The following DHTKD1 variants were observed in gnomAD, a reference collection of about 807,000 sequenced individuals.
The protein encoded by DHTKD1 is dehydrogenase E1 and transketolase domain containing 1.
A neutral mutation model predicts 101.8 loss-of-function variants in DHTKD1; 78 were observed. The observed-to-expected ratio is 0.77, with a 90% CI of 0.64 to 0.93. DHTKD1 has a LOEUF of 0.93. Among genes scored for constraint, DHTKD1 ranks in the 40% least tolerant of loss-of-function variants. The pLI, the probability that DHTKD1 is intolerant of heterozygous loss-of-function variation, is 0.00. For missense variants in DHTKD1, 1,223 were observed against 1,161.7 expected (o/e 1.05, Z -0.77); for synonymous variants, 462 against 450.3 (o/e 1.03, Z -0.33).
At chr10:12,113,911 C>G (rs1474949243) in intron 13 of DHTKD1, among the ~76,000 whole-genome samples, 1 of 152,068 alleles carries the variant, frequency 6.6e-6, no homozygotes, top group African/African-American at 2.4e-5. Context: ...CACAGCAAGA[C>G]ATTGTCTGAA....
intron 1 of DHTKD1, among the ~76,000 whole-genome samples, chr10:12,072,233 G>A (rs1038983351): frequency 6.6e-6 from 1 of 152,152 alleles, no homozygotes; most frequent in Non-Finnish European, 1.5e-5. Flanking sequence ...TTGGGAGGCC[G>A]AGCTGGGAAG....
chr10:12,089,339 A>G, intron 5 of DHTKD1, 84 bp downstream of exon 5: 1 of 1,303,386 alleles, frequency 7.7e-7, no homozygotes, highest in Non-Finnish European at 1.1e-6. Flanking sequence ...AGCACATGGC[A>G]GACATTCATG....
intron 15 of DHTKD1, among the ~76,000 whole-genome samples, chr10:12,119,649 G>T (rs535824160): frequency 1.5e-4 from 23 of 150,816 alleles, no homozygotes; most frequent in South Asian, 6.3e-4. Context: ...AGAAAATTTG[G>T]TACATATATG....
intron 12 of DHTKD1, among the ~76,000 whole-genome samples, chr10:12,108,365 T>C (rs1833281495): frequency 6.6e-6 from 1 of 152,098 alleles, no homozygotes; most frequent in Admixed American, 6.6e-5. Context: ...CTGCAACCTC[T>C]GCCTCTTGGG....
intron 1 of DHTKD1, among the ~76,000 whole-genome samples, chr10:12,074,407 G>C (rs1832693320): frequency 6.6e-6 from 1 of 152,028 alleles, no homozygotes; most frequent in Non-Finnish European, 1.5e-5. Context: ...CCAGGCTGGA[G>C]TGCAGTGGCA....
intron 7 of DHTKD1, among the ~76,000 whole-genome samples, chr10:12,095,705 C>CG (rs1833055604): frequency 6.7e-6 from 1 of 148,152 alleles, no homozygotes; most frequent in South Asian, 2.2e-4. Context: ...CCCAGCTACT[C>CG]GGGAGGCTGA....
intron 13 of DHTKD1, among the ~76,000 whole-genome samples, chr10:12,115,104 A>ATTT (rs771726347): frequency 0.97 from 146,563 of 151,744 alleles, 70,978 homozygotes; most frequent in Middle Eastern, 1. Flanking sequence ...CTGTTTGAAC[A>ATTT]GTTTCTTGAG....
At chr10:12,088,865 A>G (rs1173477560) in intron 4 of DHTKD1, 121 bp from the exon 5 acceptor site, 4 of 910,056 alleles carry the variant, frequency 4.4e-6, no homozygotes, top group Non-Finnish European at 6.8e-6. Flanking sequence ...AATTACAGGC[A>G]TAAGCCACCA....
At chr10:12,114,705 G>C (rs182450337) in intron 13 of DHTKD1, among the ~76,000 whole-genome samples, 9 of 152,358 alleles carry the variant, frequency 5.9e-5, no homozygotes, top group Middle Eastern at 3.4e-3. Context: ...AGGTTCGAGA[G>C]TGTATATTTG....
chr10:12,098,116 G>C lies in DHTKD1; in HGVS notation c.1671+120G>C, dbSNP rs1833102930. 13 of 954,844 alleles carry C rather than the reference G, an allele frequency of 1.4e-5. No homozygotes were observed. The Admixed American group carries it at 1.5e-4, about 11-fold the overall frequency. The allele number at this position is 954,844 out of a possible 1,614,324, so 59.1% of individuals were successfully genotyped here. A position where few individuals can be genotyped will look rare whatever the true frequency, so the allele number is the denominator to read the frequency against. ...GACAAATATTTATTGTGTGTCGTTA[G>C]GTTCTAGAAACTGATCCTAGTGTTG... On this transcript the variant is annotated intron_variant, in intron 8 of 16. Coordinates refer to ENST00000263035, the MANE Select transcript of DHTKD1 (RefSeq NM_018706.7).
chr10:12,112,674 G>A (rs1182344422), intron 12 of DHTKD1, among the ~76,000 whole-genome samples: 1 of 152,112 alleles, frequency 6.6e-6, no homozygotes, highest in Non-Finnish European at 1.5e-5. Context: ...GAACAATTGT[G>A]TTAGATGACA....
At chr10:12,113,268 G>A (rs1360248584) in intron 13 of DHTKD1, among the ~76,000 whole-genome samples, 1 of 152,062 alleles carries the variant, frequency 6.6e-6, no homozygotes, top group African/African-American at 2.4e-5. Flanking sequence ...TGCAATCTCG[G>A]CCCGTTGCAA....
At chr10:12,102,293 A>G (rs982295151) in intron 10 of DHTKD1, among the ~76,000 whole-genome samples, 1 of 151,814 alleles carries the variant, frequency 6.6e-6, no homozygotes, top group Non-Finnish European at 1.5e-5. Context: ...GTGTGGTGGC[A>G]TGCATCTGTA....
In DHTKD1 at chr10:12,107,362, G is replaced by A. The variant is rs1031050675; in HGVS notation, c.2048-547G>A. On this transcript the variant is annotated intron_variant, in intron 11 of 16. Transcript: ENST00000263035. The surrounding 1 kb of genome is among the most constrained non-coding windows in gnomAD (Gnocchi z 4.1). ...ATGTGCTGTCCAGGAAGCTGGGAACGTTCCCCTTTGAGTTTGTCTTCCACT... is the reference window on the plus strand; with the variant it reads ...ATGTGCTGTCCAGGAAGCTGGGAACATTCCCCTTTGAGTTTGTCTTCCACT... Among the ~76,000 whole-genome samples the A allele has an allele frequency of 2.0e-5, 3 of 151,872 alleles. No individual in the cohort carries two copies. The highest frequency in any genetic ancestry group is 2.9e-5 in the Non-Finnish European group (2 of 67,978).
intron 1 of DHTKD1, among the ~76,000 whole-genome samples, chr10:12,081,071 C>T (rs574913575): frequency 2.0e-5 from 3 of 151,738 alleles, no homozygotes; most frequent in African/African-American, 4.8e-5. Context: ...GAGGCCGAGG[C>T]GGGCAGATCA....
intron 5 of DHTKD1, 112 bp downstream of exon 5, chr10:12,089,367 T>A: frequency 9.5e-7 from 1 of 1,048,802 alleles, no homozygotes; most frequent in Non-Finnish European, 1.4e-6. Flanking sequence ...TGAGATGACC[T>A]TTTGGAAAAA....
Position 12,103,199 on chromosome 10 carries a change from A to G in DHTKD1, c.1896+2018A>G, listed in dbSNP as rs1833197255. Reference sequence around the variant, plus strand: ...CATACCACTGCCCTCCAGTTTGGGCAACAGAGCAAGACTCTGTCTCAAATA... The same window carrying G: ...CATACCACTGCCCTCCAGTTTGGGCGACAGAGCAAGACTCTGTCTCAAATA... On this transcript the variant is annotated intron_variant, in intron 10 of 16. Transcript: ENST00000263035. The surrounding 1 kb of genome is among the most constrained non-coding windows in gnomAD (Gnocchi z 4.8). Among the ~76,000 whole-genome samples, 1 of 152,144 alleles carries G rather than the reference A, an allele frequency of 6.6e-6. No homozygotes were observed. The highest frequency in any genetic ancestry group is 2.1e-4 in the South Asian group (1 of 4,832).
intron 1 of DHTKD1, among the ~76,000 whole-genome samples, chr10:12,078,825 C>T (rs1244790264): frequency 2.0e-5 from 3 of 152,034 alleles, no homozygotes; most frequent in African/African-American, 4.8e-5. Context: ...CGACCACACC[C>T]GACTAATTTT....
chr10:12,095,025 G>C (rs946161846), intron 7 of DHTKD1, among the ~76,000 whole-genome samples: 13 of 152,220 alleles, frequency 8.5e-5, no homozygotes, highest in African/African-American at 2.4e-4. Flanking sequence ...GATTGAAGCA[G>C]GGGGAATTAA....
Sources: gnomAD v4.1 joint callset for allele counts (sites outside exome capture counted in the v4.1 genomes callset) on GRCh38, gnomAD v4.1.1 for gene constraint, Gnocchi (gnomAD v3.1) non-coding constraint, MANE v1.5 for transcripts, NCBI Gene and HGNC (gene_info 2026-07-23, HGNC 2026-07-21) for gene names.